ADAM18: variants seen among roughly 807,000 people sequenced by gnomAD.
ADAM18 encodes ADAM metallopeptidase domain 18.
Under a neutral mutation model 94.4 loss-of-function variants are expected in ADAM18, and 117 were observed. That is an observed-to-expected ratio of 1.24 (90% CI 1.07 to 1.45). ADAM18 has a LOEUF of 1.45. Among genes scored for constraint, ADAM18 ranks in the 40% most tolerant of loss-of-function variants. The pLI, the probability that ADAM18 is intolerant of heterozygous loss-of-function variation, is 0.00. For missense variants in ADAM18, 936 were observed against 880.0 expected (o/e 1.06, Z -0.81); for synonymous variants, 327 against 291.6 (o/e 1.12, Z -1.24).
At chr8:39,682,701 A>G (rs1585976557) in intron 16 of ADAM18, among the ~76,000 whole-genome samples, 1 of 152,170 alleles carries the variant, frequency 6.6e-6, no homozygotes, top group Non-Finnish European at 1.5e-5. Flanking sequence ...TTACCATTAT[A>G]TATTGATGGG....
chr8:39,718,152 G>A (rs564108368), intron 18 of ADAM18, among the ~76,000 whole-genome samples: 10 of 151,594 alleles, frequency 6.6e-5, no homozygotes, highest in African/African-American at 2.4e-4. Context: ...ATGAAAAACA[G>A]TATGGAGGTT....
intron 15 of ADAM18, 30 bp downstream of exon 15, chr8:39,677,566 G>A (rs777345900): frequency 2.0e-6 from 3 of 1,495,208 alleles, no homozygotes; most frequent in Non-Finnish European, 2.7e-6. Context: ...TTGCTTCTTT[G>A]AATCATAAAA....
At chr8:39,611,188 C>G (rs1360323349) in intron 6 of ADAM18, 1 of 736,608 alleles carries the variant, frequency 1.4e-6, no homozygotes, top group Non-Finnish European at 1.7e-6. Context: ...CACCATGTGG[C>G]CTCTGTTTTT....
At chr8:39,723,691 A>T in intron 18 of ADAM18, 57 bp from the exon 19 acceptor site, 2 of 1,224,054 alleles carry the variant, frequency 1.6e-6, no homozygotes, top group Non-Finnish European at 1.1e-6. Context: ...GAAAAAATAT[A>T]AATTTATTTA....
chr8:39,660,462 A>G (rs1293304335), intron 12 of ADAM18, among the ~76,000 whole-genome samples: 1 of 152,234 alleles, frequency 6.6e-6, no homozygotes, highest in East Asian at 1.9e-4. Context: ...TATTAATAAC[A>G]GATAAAGTAG....
chr8:39,673,478 C>A (rs1821211859), intron 14 of ADAM18, among the ~76,000 whole-genome samples: 1 of 152,054 alleles, frequency 6.6e-6, no homozygotes, highest in Admixed American at 6.6e-5. Flanking sequence ...ACACCCCACC[C>A]CCCAACAAGC....
chr8:39,619,708 AC>A (rs1819551517), intron 6 of ADAM18, among the ~76,000 whole-genome samples: 1 of 152,134 alleles, frequency 6.6e-6, no homozygotes. Context: ...CCACATGAAA[AC>A]TATAAAACAT....
chr8:39,614,391 G>A (rs1819375319), intron 6 of ADAM18, among the ~76,000 whole-genome samples: 1 of 152,136 alleles, frequency 6.6e-6, no homozygotes, highest in Admixed American at 6.6e-5. Context: ...AAGCAAAGAA[G>A]AAATAAAATC....
In ADAM18 at chr8:39,723,993, T is replaced by C. The variant is rs116359909; in HGVS notation, c.2177+86T>C. 5.3e-3 allele frequency: 4,373 copies of C among 831,038 alleles called. 146 individuals are homozygous for C. The African/African-American group carries it at 0.068, about 13-fold the overall frequency. 51.5% of individuals were successfully genotyped at this position (831,038 alleles called of 1,614,324 possible). A position where few individuals can be genotyped will look rare whatever the true frequency, so the allele number is the denominator to read the frequency against. On this transcript the variant is annotated intron_variant, in intron 19 of 19. Transcript: ENST00000265707. ...TGCATTTTATATAACATTTGTTATATTAATTCTTAAATATACTATTTTAAA... is the reference window on the plus strand; with the variant it reads ...TGCATTTTATATAACATTTGTTATACTAATTCTTAAATATACTATTTTAAA...
intron 18 of ADAM18, among the ~76,000 whole-genome samples, chr8:39,722,201 G>T (rs1373144260): frequency 1.4e-5 from 1 of 69,704 alleles, no homozygotes; most frequent in Non-Finnish European, 2.3e-5. Context: ...GTGTGTGTGT[G>T]TGTGTGTGTG....
intron 18 of ADAM18, among the ~76,000 whole-genome samples, chr8:39,715,180 T>G (rs1196218361): frequency 6.6e-6 from 1 of 152,026 alleles, no homozygotes; most frequent in Non-Finnish European, 1.5e-5. Flanking sequence ...AAGAGAACTG[T>G]AAAGCCCTAA....
intron 15 of ADAM18, among the ~76,000 whole-genome samples, chr8:39,678,377 C>T (rs1237856426): frequency 6.6e-6 from 1 of 152,100 alleles, no homozygotes; most frequent in Non-Finnish European, 1.5e-5. Context: ...CCTCCATCAC[C>T]CTCCTCCATA....
chr8:39,701,143 A>G (rs10109239), intron 17 of ADAM18, among the ~76,000 whole-genome samples: 3,214 of 142,738 alleles, frequency 0.023, 141 homozygotes, highest in African/African-American at 0.081. Context: ...AAAAAAAAAA[A>G]AAAAAATTTA....
In ADAM18 at chr8:39,656,656, A is replaced by T. The variant is rs77720378; in HGVS notation, c.1231-7139A>T. ...TTTAAAGGGTAGATTATACAATAGG[A>T]GATTGTTTTCTCCACATAAATGTGA... On this transcript the variant is annotated intron_variant, in intron 12 of 19. Coordinates refer to ENST00000265707, the MANE Select transcript of ADAM18 (RefSeq NM_014237.3). Among the ~76,000 whole-genome samples the T allele has an allele frequency of 5.7e-3, 864 of 152,308 alleles. 6 individuals are homozygous for T. Among genetic ancestry groups the T allele is most frequent in the African/African-American group, 0.02 (830 of 41,572 alleles).
intron 16 of ADAM18, among the ~76,000 whole-genome samples, chr8:39,688,993 G>T (rs539545466): frequency 6.6e-6 from 1 of 151,996 alleles, no homozygotes; most frequent in South Asian, 2.1e-4. Context: ...CATGTTTCTT[G>T]GCTGCATGTA....
intron 17 of ADAM18, among the ~76,000 whole-genome samples, chr8:39,700,198 T>C (rs1047126320): frequency 6.6e-6 from 1 of 152,192 alleles, no homozygotes; most frequent in East Asian, 1.9e-4. Flanking sequence ...GAAAATCACA[T>C]AATGACTAGA....
chr8:39,684,756 T>C (rs1042591644), intron 16 of ADAM18, among the ~76,000 whole-genome samples: 6 of 152,190 alleles, frequency 3.9e-5, no homozygotes, highest in African/African-American at 1.4e-4. Flanking sequence ...TAATTTCTTG[T>C]TTGCTGAAAA....
At chr8:39,660,575 T>C (rs562092764) in intron 12 of ADAM18, among the ~76,000 whole-genome samples, 12 of 152,190 alleles carry the variant, frequency 7.9e-5, no homozygotes, top group African/African-American at 2.9e-4. Context: ...AATACTGAAG[T>C]ACCTAAGTAT....
At chr8:39,586,800 C>CA (rs1563263601) in intron 2 of ADAM18, among the ~76,000 whole-genome samples, 1 of 120,270 alleles carries the variant, frequency 8.3e-6, no homozygotes, top group African/African-American at 2.8e-5. Context: ...ATCTATCTAT[C>CA]TATATCTATC....
Sources: gnomAD v4.1 joint callset for allele counts (sites outside exome capture counted in the v4.1 genomes callset) on GRCh38, gnomAD v4.1.1 for gene constraint, MANE v1.5 for transcripts, NCBI Gene and HGNC (gene_info 2026-07-23, HGNC 2026-07-21) for gene names.